Variants in SPATA13 observed in about 807,000 individuals in gnomAD.
SPATA13 encodes the protein spermatogenesis-associated protein 13.
SPATA13 carries 50 observed loss-of-function variants against 104.0 expected under a neutral mutation model. The ratio of observed to expected loss-of-function variants is 0.48; its 90% CI spans 0.38 to 0.61. The LOEUF is 0.61. Among genes scored for constraint, SPATA13 ranks in the 20% least tolerant of loss-of-function variants. SPATA13 has a pLI of 0.00. For missense variants in SPATA13, 1,524 were observed against 1,690.6 expected, an observed-to-expected ratio of 0.90 and a Z score of 1.73; for synonymous variants, 606 against 667.5, an observed-to-expected ratio of 0.91 and a Z score of 1.42.
At chr13:24,274,555 G>A (rs758740621) in intron 4 of SPATA13, among the ~76,000 whole-genome samples, 7 of 152,306 alleles carry the variant, frequency 4.6e-5, no homozygotes, top group South Asian at 4.1e-4. Context: ...GTGCATCTCC[G>A]TGGCCTGAGC....
chr13:24,181,760 A>G lies in SPATA13; in HGVS notation c.-112+20828A>G, dbSNP rs201628528. Among the ~76,000 whole-genome samples, 13 of 34,938 alleles carry G rather than the reference A, an allele frequency of 3.7e-4. No homozygotes were observed. In the East Asian group the frequency reaches 0.013, roughly 36 times the overall value. 22.9% of individuals were successfully genotyped at this position (34,938 alleles called of 152,430 possible). A position where few individuals can be genotyped will look rare whatever the true frequency, so the allele number is the denominator to read the frequency against. On this transcript the variant is annotated intron_variant, in intron 1 of 12. Transcript: ENST00000382108. ...CCTGCCTGAGGCTGTTTTACAGTTG[A>G]CTTTTTTTTTTTTTGTTAAAGTAAG...
intron 3 of SPATA13, among the ~76,000 whole-genome samples, chr13:24,046,098 C>A (rs527837749): frequency 6.6e-6 from 1 of 151,950 alleles, no homozygotes; most frequent in South Asian, 2.1e-4. Context: ...TTTTTTAAGT[C>A]TTGCTGGAGT....
intron 10 of SPATA13, among the ~76,000 whole-genome samples, chr13:24,296,581 A>G (rs1019527180): frequency 3.9e-5 from 6 of 152,158 alleles, no homozygotes; most frequent in Non-Finnish European, 7.3e-5. Context: ...CATATACTCA[A>G]CGCAAATAAT....
chr13:24,145,836 TCACGGCGGAGACAGAG>T (rs1288427109), intron 3 of SPATA13, among the ~76,000 whole-genome samples: 1 of 152,202 alleles, frequency 6.6e-6, no homozygotes, highest in Non-Finnish European at 1.5e-5. Context: ...GGCCAAGACT[TCACGGCGGAGACAGAG>T]CACAGCTGGG....
chr13:24,249,173 G>C (rs966423729), intron 2 of SPATA13, among the ~76,000 whole-genome samples: 6 of 152,296 alleles, frequency 3.9e-5, no homozygotes, highest in African/African-American at 1.2e-4. Context: ...TCCGGCCAGT[G>C]CTGATTTTCT....
chr13:24,222,934 C>T lies in SPATA13; in HGVS notation c.5C>T (p.Thr2Ile), dbSNP rs1468365692. M[T>I]QAAVRPWAPC... The stretch of plus-strand genomic sequence containing the variant: ...GACTCGGCAGTGCCCGTGGCCATGA[C>T]CCAGGCTGCCGTGCGGCCCTGGGCA... Residue 2 changes from threonine to isoleucine, a missense_variant, in exon 2 of 13, where the codon ACC (threonine) becomes ATC (isoleucine). Physicochemically the swap from Thr to Ile is moderately conservative, Grantham distance 89. Transcript: ENST00000382108. 5 of 1,551,028 alleles carry T rather than the reference C, an allele frequency of 3.2e-6. No individual in the cohort carries two copies. Among genetic ancestry groups the T allele is most frequent in the Non-Finnish European group, 4.4e-6 (5 of 1,146,670 alleles).
chr13:24,214,361 A>G (rs1191110650), intron 1 of SPATA13, among the ~76,000 whole-genome samples: 1 of 152,242 alleles, frequency 6.6e-6, no homozygotes, highest in Non-Finnish European at 1.5e-5. Context: ...CCCTATTAGC[A>G]ATGACCTATA....
intron 3 of SPATA13, among the ~76,000 whole-genome samples, chr13:24,115,815 A>G (rs1880815383): frequency 6.6e-6 from 1 of 152,232 alleles, no homozygotes; most frequent in African/African-American, 2.4e-5. Context: ...GAGCCACTTC[A>G]TGGGTGGCTC....
intron 3 of SPATA13, among the ~76,000 whole-genome samples, chr13:24,117,183 G>C (rs574439103): frequency 9.9e-5 from 15 of 152,266 alleles, no homozygotes; most frequent in African/African-American, 3.4e-4. Context: ...TATAACAACT[G>C]TACCTACATT....
At chr13:24,060,519 A>G (rs998795416) in intron 3 of SPATA13, among the ~76,000 whole-genome samples, 4 of 152,256 alleles carry the variant, frequency 2.6e-5, no homozygotes, top group Admixed American at 6.5e-5. Context: ...GGACATAGGC[A>G]TAGGGAAAGA....
chr13:24,072,992 T>C (rs545990257), intron 3 of SPATA13, among the ~76,000 whole-genome samples: 2 of 152,292 alleles, frequency 1.3e-5, no homozygotes, highest in South Asian at 4.1e-4. Context: ...AAGCTGAACC[T>C]GTCCAACATT....
Position 24,303,392 on chromosome 13 carries a change from G to T in SPATA13, c.*619G>T. On this transcript the variant is annotated 3_prime_UTR_variant, in exon 13 of 13. Coordinates refer to ENST00000382108, the MANE Select transcript of SPATA13 (RefSeq NM_001166271.3). ...GTCATCCTGCAAGGTTCCTCTTCCT[G>T]CAAGCAAAGTGGAGAGAAAGAAGAT... The T allele has an allele frequency of 5.0e-6, 1 of 200,778 alleles. No individual in the cohort carries two copies. Among genetic ancestry groups the T allele is most frequent in the Admixed American group, 5.9e-5 (1 of 17,024 alleles). The allele number at this position is 200,778 out of a possible 1,614,324, so 12.4% of individuals were successfully genotyped here.
At chr13:24,190,470 C>T (rs1406134419) in intron 1 of SPATA13, among the ~76,000 whole-genome samples, 1 of 148,884 alleles carries the variant, frequency 6.7e-6, no homozygotes, top group Non-Finnish European at 1.5e-5. Flanking sequence ...GGAACTGATT[C>T]ACCATTCTAG....
At chr13:23,992,676 A>G (rs1875470966) in intron 2 of SPATA13, among the ~76,000 whole-genome samples, 2 of 152,184 alleles carry the variant, frequency 1.3e-5, no homozygotes, top group Admixed American at 1.3e-4. Flanking sequence ...TCCATGTGCT[A>G]CAGCCCCTCC....
At chr13:24,257,686 T>G (rs1170057241) in intron 4 of SPATA13, among the ~76,000 whole-genome samples, 1 of 151,998 alleles carries the variant, frequency 6.6e-6, no homozygotes, top group African/African-American at 2.4e-5. Context: ...AGTCTAGCAC[T>G]CTAGTGAGCT....
chr13:23,989,130 T>G (rs747409259), intron 2 of SPATA13, among the ~76,000 whole-genome samples: 1 of 152,070 alleles, frequency 6.6e-6, no homozygotes, highest in Non-Finnish European at 1.5e-5. Context: ...GTTTTAATGT[T>G]AAGATTTACT....
At chr13:24,183,274 A>C (rs1200849991) in intron 1 of SPATA13, among the ~76,000 whole-genome samples, 1 of 152,208 alleles carries the variant, frequency 6.6e-6, no homozygotes, top group African/African-American at 2.4e-5. Context: ...AAATATAATA[A>C]ACACACATTT....
rs1566094468 is a variant in SPATA13, at chr13:24,076,577, CAGGAAACCAGGCCACTGAGGGTCTT to C, written c.-112+58877_-112+58901del. Reference sequence around the variant, plus strand: ...ATGAACGAAGCAGCAGACCCCGGGACAGGAAACCAGGCCACTGAGGGTCTTGTGGCTCTGGTGACCCGGGGTCTGG... The same window carrying C: ...ATGAACGAAGCAGCAGACCCCGGGACGTGGCTCTGGTGACCCGGGGTCTGG... On this transcript the variant is annotated intron_variant, in intron 3 of 14. Transcript: ENST00000424834. 1.3e-3 allele frequency among the ~76,000 whole-genome samples: 196 copies of C among 152,034 alleles called. 1 individual carries two copies. Among genetic ancestry groups the C allele is most frequent in the African/African-American group, 4.6e-3 (190 of 41,474 alleles).
At chr13:24,195,595 T>A (rs1870012801) in intron 1 of SPATA13, among the ~76,000 whole-genome samples, 1 of 152,214 alleles carries the variant, frequency 6.6e-6, no homozygotes, top group South Asian at 2.1e-4. Context: ...TTTTTCCACA[T>A]CTTTGCCAAC....
Sources: allele counts gnomAD v4.1 joint callset (sites outside exome capture counted in the v4.1 genomes callset), GRCh38; gene constraint gnomAD v4.1.1; transcripts MANE v1.5; gene names NCBI Gene and HGNC (gene_info 2026-07-23, HGNC 2026-07-21).